Variants in PCLO observed in about 807,000 individuals in gnomAD.
PCLO encodes protein piccolo.
A neutral mutation model predicts 427.5 loss-of-function variants in PCLO; 82 were observed. That is an observed-to-expected ratio of 0.19 (90% confidence interval 0.16 to 0.23). The LOEUF (loss-of-function observed/expected upper bound fraction) is 0.23. Among genes scored for constraint, PCLO ranks in the 10% least tolerant of loss-of-function variants. The pLI is 1.00. For synonymous variants in PCLO, 2,357 were observed against 2,155.4 expected (o/e 1.09, Z -2.59); for missense variants, 6,239 against 6,115.9 (o/e 1.02, Z -0.67).
chr7:82,943,923 C>T (rs754757870), intron 6 of PCLO, among the ~76,000 whole-genome samples: 21 of 151,512 alleles, frequency 1.4e-4, no homozygotes, highest in Admixed American at 3.3e-4. Context: ...TCTGGGAGGC[C>T]GAGGCGGGTG....
chr7:82,857,485 T>C (rs1792838897), intron 10 of PCLO, among the ~76,000 whole-genome samples: 1 of 152,170 alleles, frequency 6.6e-6, no homozygotes, highest in Admixed American at 6.6e-5. Context: ...TAACATAAAA[T>C]ATCACTTTAT....
intron 3 of PCLO, among the ~76,000 whole-genome samples, chr7:83,072,281 A>G (rs2116359932): frequency 6.6e-6 from 1 of 152,216 alleles, no homozygotes; most frequent in South Asian, 2.1e-4. Flanking sequence ...TGAAGAACAC[A>G]TATTTTAGAA....
Position 83,135,232 on chromosome 7 carries a change from GT to G in PCLO, c.2317del (p.Thr773GlnfsTer23). ...GGAGCTTGGAATATCAGGTTTTGTTGTTGCTGATGATGAAGATACAAGGTCA... is the reference window on the plus strand; with the variant it reads ...GGAGCTTGGAATATCAGGTTTTGTTGTGCTGATGATGAAGATACAAGGTCA... ...TTDLVSSSSA[T>X]TKPDIPSSKV... On this transcript the variant is annotated frameshift_variant, in exon 3 of 25. Coordinates refer to ENST00000333891, the MANE Select transcript of PCLO (RefSeq NM_033026.6). LOFTEE classifies it high-confidence loss of function. The G allele has an allele frequency of 6.2e-7, 1 of 1,613,866 alleles. No homozygotes were observed. Among genetic ancestry groups the G allele is most frequent in the South Asian group, 1.1e-5 (1 of 91,066 alleles).
At chr7:83,101,989 C>A (rs1790749916) in intron 3 of PCLO, among the ~76,000 whole-genome samples, 4 of 152,058 alleles carry the variant, frequency 2.6e-5, no homozygotes, top group African/African-American at 9.6e-5. Context: ...AAAAGTAGAT[C>A]TAAGACAATT....
chr7:83,055,543 C>T (rs1789358613), intron 3 of PCLO, among the ~76,000 whole-genome samples: 1 of 151,982 alleles, frequency 6.6e-6, no homozygotes, highest in Non-Finnish European at 1.5e-5. Flanking sequence ...ATCAGTTAGA[C>T]ACTGTTTGGA....
intron 4 of PCLO, 30 bp from the exon 5 acceptor site, chr7:82,956,965 C>T: frequency 1.3e-6 from 2 of 1,521,302 alleles, no homozygotes; most frequent in Non-Finnish European, 1.8e-6. Flanking sequence ...TACAGGAAAA[C>T]TTAACATGGT....
chr7:82,981,637 C>T (rs60318209), intron 3 of PCLO, among the ~76,000 whole-genome samples: 11,196 of 151,976 alleles, frequency 0.074, 1,396 homozygotes, highest in African/African-American at 0.26. Context: ...ATTGTTTCAA[C>T]TTTTCTCAGG....
chr7:83,125,264 G>T (rs1031736919), intron 3 of PCLO, among the ~76,000 whole-genome samples: 1 of 152,022 alleles, frequency 6.6e-6, no homozygotes, highest in Non-Finnish European at 1.5e-5. Context: ...CCCCATCTGA[G>T]AAGTGGGGAG....
At chr7:82,895,624 T>G (rs1415141803) in intron 9 of PCLO, among the ~76,000 whole-genome samples, 2 of 151,908 alleles carry the variant, frequency 1.3e-5, no homozygotes, top group African/African-American at 4.8e-5. Flanking sequence ...AAATTAGGAA[T>G]AATAAAGGGC....
chr7:82,773,645 T>C (rs1238115512), intron 22 of PCLO, among the ~76,000 whole-genome samples: 1 of 152,074 alleles, frequency 6.6e-6, no homozygotes, highest in African/African-American at 2.4e-5. Flanking sequence ...TTTACCTCCC[T>C]TCCTTAACTG....
At chr7:82,876,542 G>A (rs1013503987) in intron 10 of PCLO, among the ~76,000 whole-genome samples, 2 of 151,610 alleles carry the variant, frequency 1.3e-5, no homozygotes, top group African/African-American at 4.9e-5. Context: ...GTGAATACTT[G>A]TGAATACCCA....
chr7:82,904,785 G>A (rs1794144596), intron 8 of PCLO, among the ~76,000 whole-genome samples: 1 of 151,944 alleles, frequency 6.6e-6, no homozygotes, highest in Non-Finnish European at 1.5e-5. Context: ...TTTTATAGTA[G>A]AAGGAATGTT....
At chr7:83,151,464 G>A (rs1466098478) in intron 2 of PCLO, among the ~76,000 whole-genome samples, 3 of 152,160 alleles carry the variant, frequency 2.0e-5, no homozygotes, top group Non-Finnish European at 4.4e-5. Flanking sequence ...CTGGCAGAGA[G>A]CATGTTATTA....
chr7:82,816,553 G>C (rs970458818), intron 20 of PCLO, among the ~76,000 whole-genome samples: 3 of 151,844 alleles, frequency 2.0e-5, no homozygotes, highest in Non-Finnish European at 4.4e-5. Context: ...AGGCTTTATG[G>C]GTATTATTTT....
intron 3 of PCLO, among the ~76,000 whole-genome samples, chr7:82,989,850 T>A (rs1796338436): frequency 6.6e-6 from 1 of 152,182 alleles, no homozygotes; most frequent in Admixed American, 6.5e-5. Flanking sequence ...AAGATTTGAA[T>A]CTGGTAGTCT....
At chr7:83,061,634 T>C (rs1319892281) in intron 3 of PCLO, among the ~76,000 whole-genome samples, 1 of 152,174 alleles carries the variant, frequency 6.6e-6, no homozygotes, top group Non-Finnish European at 1.5e-5. Flanking sequence ...TTACCATATA[T>C]GTAACTTTCA....
chr7:82,925,428 G>C (rs1794690033), intron 6 of PCLO, among the ~76,000 whole-genome samples: 1 of 152,072 alleles, frequency 6.6e-6, no homozygotes, highest in Non-Finnish European at 1.5e-5. Context: ...CCTTTAAATA[G>C]ACTGGAAGCA....
rs1395987671 is a variant in PCLO at position 82,952,334 on chromosome 7, A to G, written c.8619T>C (p.Thr2873=). The change falls in exon 5 of 25, where the codon ACT becomes ACC. Residue 2873 remains threonine, a synonymous_variant. Transcript: ENST00000333891. ...CATTTGTGACACCAACAGGAGGCAC[A>G]GTGACAGGTTTTGTAATAGCCAATG... ...AVTLAITKPV[T]VPPVGVTNGW... 16 of 1,614,016 alleles carry G rather than the reference A, an allele frequency of 9.9e-6. No homozygotes were observed. The highest frequency in any genetic ancestry group is 2.7e-5 in the African/African-American group (2 of 75,068).
intron 3 of PCLO, among the ~76,000 whole-genome samples, chr7:83,057,317 C>CATATACATATATATATATATATATAT (rs1224128461): frequency 3.9e-5 from 1 of 25,888 alleles, no homozygotes; most frequent in Non-Finnish European, 6.2e-5. Context: ...ATTATATATA[C>CATATACATATATATATATATATATAT]ATATATATAT....
Sources: gnomAD v4.1 joint callset for allele counts (sites outside exome capture counted in the v4.1 genomes callset) on GRCh38, gnomAD v4.1.1 for gene constraint, MANE v1.5 for transcripts, NCBI Gene and HGNC (gene_info 2026-07-23, HGNC 2026-07-21) for gene names.